DGKB: variants seen among roughly 807,000 people sequenced by gnomAD.
The protein encoded by DGKB is diacylglycerol kinase beta.
DGKB carries 67 observed loss-of-function variants against 114.3 expected under a neutral mutation model. The observed-to-expected ratio is 0.59, with a 90% CI of 0.48 to 0.72. The LOEUF (loss-of-function observed/expected upper bound fraction) is 0.72, where lower values mean the gene tolerates loss of function less well. DGKB is among the 30% of genes least tolerant of loss of function. The probability of loss-of-function intolerance (pLI) is 0.00; values close to 1 mark genes in which losing one functional copy is unlikely to be tolerated. For missense variants in DGKB, 907 were observed against 975.2 expected (o/e 0.93, Z 0.93); for synonymous variants, 398 against 323.1 (o/e 1.23, Z -2.49).
At chr7:14,418,133 T>C (rs564385448) in intron 21 of DGKB, among the ~76,000 whole-genome samples, 6 of 145,734 alleles carry the variant, frequency 4.1e-5, no homozygotes, top group Middle Eastern at 3.6e-3. Flanking sequence ...TTTAAAAATA[T>C]ATATTTTATA....
chr7:14,158,984 T>C (rs960316531), intron 25 of DGKB, among the ~76,000 whole-genome samples: 3 of 152,202 alleles, frequency 2.0e-5, no homozygotes, highest in African/African-American at 4.8e-5. Context: ...TGAACAATTA[T>C]AGAATTCTTC....
At chr7:14,184,443 G>A (rs1291683668) in intron 23 of DGKB, among the ~76,000 whole-genome samples, 5 of 152,116 alleles carry the variant, frequency 3.3e-5, no homozygotes, top group Non-Finnish European at 5.9e-5. Flanking sequence ...GTGGGGGCAC[G>A]GTGAGAGTTA....
intron 2 of DGKB, among the ~76,000 whole-genome samples, chr7:14,824,322 T>C (rs916990176): frequency 2.6e-5 from 4 of 152,298 alleles, no homozygotes; most frequent in Admixed American, 6.5e-5. Flanking sequence ...ACGTTAAAAA[T>C]ATAATAATTT....
chr7:14,775,479 G>C (rs1838020161), intron 2 of DGKB, among the ~76,000 whole-genome samples: 1 of 149,734 alleles, frequency 6.7e-6, no homozygotes, highest in African/African-American at 2.4e-5. Context: ...GGCCAAAACT[G>C]CAATTACTTT....
At chr7:14,321,867 A>T (rs968571886) in intron 23 of DGKB, among the ~76,000 whole-genome samples, 1 of 152,226 alleles carries the variant, frequency 6.6e-6, no homozygotes, top group Non-Finnish European at 1.5e-5. Flanking sequence ...ATAAACCATT[A>T]TAAGAAACTA....
chr7:14,150,294 C>G (rs955014565), intron 25 of DGKB, among the ~76,000 whole-genome samples: 4 of 152,042 alleles, frequency 2.6e-5, no homozygotes, highest in African/African-American at 9.7e-5. Flanking sequence ...GAAGCACCAC[C>G]TCATTAAAAG....
chr7:14,775,539 T>A (rs373672098), intron 2 of DGKB, among the ~76,000 whole-genome samples: 7 of 151,780 alleles, frequency 4.6e-5, no homozygotes, highest in African/African-American at 1.7e-4. Flanking sequence ...GGGAGCGACC[T>A]AGTGGGAGAT....
intron 21 of DGKB, among the ~76,000 whole-genome samples, chr7:14,379,621 A>G (rs12699610): frequency 0.6 from 90,571 of 151,782 alleles, 27,347 homozygotes; most frequent in East Asian, 0.65. Context: ...GTGCAGTGGC[A>G]CGATCTCGGC....
chr7:14,931,954 T>C (rs759101737), intron 1 of DGKB, among the ~76,000 whole-genome samples: 64 of 152,130 alleles, frequency 4.2e-4, no homozygotes, highest in Non-Finnish European at 8.2e-4. Flanking sequence ...GCCCTGGTTT[T>C]GCAAGTACTA....
At chr7:14,720,867 G>T (rs181090049) in intron 5 of DGKB, among the ~76,000 whole-genome samples, 1 of 142,684 alleles carries the variant, frequency 7.0e-6, no homozygotes, top group East Asian at 2.0e-4. Flanking sequence ...AAAAAAAAAA[G>T]ACCGGAATAA....
intron 25 of DGKB, among the ~76,000 whole-genome samples, chr7:14,163,816 G>A (rs1784247789): frequency 6.6e-6 from 1 of 152,088 alleles, no homozygotes; most frequent in African/African-American, 2.4e-5. Flanking sequence ...CCAATATGGT[G>A]AAGCCCTGTC....
At chr7:14,322,027 C>A (rs1585126727) in intron 23 of DGKB, among the ~76,000 whole-genome samples, 1 of 152,232 alleles carries the variant, frequency 6.6e-6, no homozygotes, top group Non-Finnish European at 1.5e-5. Context: ...GAGACATTAA[C>A]AAACTGATTA....
intron 20 of DGKB, among the ~76,000 whole-genome samples, chr7:14,522,656 C>T (rs1189378906): frequency 6.6e-6 from 1 of 152,138 alleles, no homozygotes; most frequent in Non-Finnish European, 1.5e-5. Flanking sequence ...CATGGTCTTA[C>T]AACTGAAGTT....
At chr7:14,477,578 A>G (rs968093791) in intron 21 of DGKB, among the ~76,000 whole-genome samples, 1 of 152,180 alleles carries the variant, frequency 6.6e-6, no homozygotes, top group African/African-American at 2.4e-5. Flanking sequence ...TCCCTGAGTA[A>G]CTGTGAAGGT....
At chr7:14,671,782 A>G (rs1182652184) in intron 13 of DGKB, among the ~76,000 whole-genome samples, 2 of 152,138 alleles carry the variant, frequency 1.3e-5, no homozygotes, top group African/African-American at 4.8e-5. Context: ...TCAAAATAAG[A>G]ATATAAATAA....
At position 14,836,633 on chromosome 7, in the gene DGKB, A is replaced by G. The variant is rs574110355; in HGVS notation, c.70+4561T>C. ...AGTGAGAGCTTTCTATCCTATAACA[A>G]CAGTTTGGATGACTTTATATCAAGA... On this transcript the variant is annotated intron_variant, in intron 2 of 25. Coordinates refer to ENST00000402815, the MANE Select transcript of DGKB (RefSeq NM_001350709.2). Among the ~76,000 whole-genome samples the G allele has an allele frequency of 2.0e-5, 3 of 152,294 alleles. No individual in the cohort carries two copies. The East Asian group carries it at 5.8e-4, about 29-fold the overall frequency.
chr7:14,155,880 G>A (rs905196419), intron 25 of DGKB, among the ~76,000 whole-genome samples: 3 of 152,066 alleles, frequency 2.0e-5, no homozygotes, highest in Admixed American at 6.6e-5. Flanking sequence ...GTATCTTTTG[G>A]GTCTGTGCAT....
At chr7:14,904,767 T>C (rs560240233), upstream of DGKB, among the ~76,000 whole-genome samples, 1 of 152,306 alleles carries the variant, frequency 6.6e-6, no homozygotes, top group South Asian at 2.1e-4. Flanking sequence ...TCATTTGTTG[T>C]CTGTCCATTA....
intron 23 of DGKB, among the ~76,000 whole-genome samples, chr7:14,309,171 G>A (rs1162803244): frequency 6.6e-6 from 1 of 152,050 alleles, no homozygotes; most frequent in Non-Finnish European, 1.5e-5. Context: ...AGCCATTATT[G>A]TGCCACTGCA....
Sources: allele counts gnomAD v4.1 joint callset (sites outside exome capture counted in the v4.1 genomes callset), GRCh38; gene constraint gnomAD v4.1.1; transcripts MANE v1.5; gene names NCBI Gene and HGNC (gene_info 2026-07-23, HGNC 2026-07-21).